Variants in SDK1 observed in about 807,000 individuals in gnomAD.
The protein encoded by SDK1 is protein sidekick-1.
In SDK1, 157 loss-of-function variants were observed where a neutral mutation model predicts 245.5. That is an observed-to-expected ratio of 0.64 (90% CI 0.56 to 0.73). The LOEUF is 0.73. Ranked by LOEUF, SDK1 falls within the 30% of genes least tolerant of loss-of-function variation. SDK1 has a pLI of 0.00. For missense variants in SDK1, 3,583 were observed against 3,002.3 expected (o/e 1.19, Z -4.52); for synonymous variants, 1,647 against 1,278.5 (o/e 1.29, Z -6.15).
At chr7:3,415,372 A>G (rs1429797093) in intron 1 of SDK1, among the ~76,000 whole-genome samples, 2 of 152,158 alleles carry the variant, frequency 1.3e-5, no homozygotes, top group African/African-American at 4.8e-5. Context: ...ATGTGTGTAG[A>G]GAAGTGTGTA....
chr7:4,088,665 C>T (rs1035811910), intron 22 of SDK1, among the ~76,000 whole-genome samples: 4 of 152,066 alleles, frequency 2.6e-5, no homozygotes, highest in Non-Finnish European at 5.9e-5. Context: ...GTGGTTCACA[C>T]TGCCCTTCTG....
At chr7:4,086,125 G>A (rs1024539745) in intron 22 of SDK1, among the ~76,000 whole-genome samples, 3 of 151,926 alleles carry the variant, frequency 2.0e-5, no homozygotes, top group East Asian at 1.9e-4. Flanking sequence ...GGCATATTGC[G>A]CCTTGCTGTC....
At chr7:3,368,271 C>A (rs767417831) in intron 1 of SDK1, among the ~76,000 whole-genome samples, 11 of 152,198 alleles carry the variant, frequency 7.2e-5, no homozygotes, top group Non-Finnish European at 1.3e-4. Context: ...CAAGCTTCTC[C>A]GTTCCCCAGA....
chr7:4,211,854 C>G, intron 38 of SDK1, among the ~76,000 whole-genome samples: 1 of 152,196 alleles, frequency 6.6e-6, no homozygotes, highest in East Asian at 1.9e-4. Context: ...CGTGATCCAC[C>G]TGCCTCGGCC....
At chr7:4,231,059 A>C (rs1409070633) in intron 40 of SDK1, among the ~76,000 whole-genome samples, 1 of 152,078 alleles carries the variant, frequency 6.6e-6, no homozygotes, top group Non-Finnish European at 1.5e-5. Flanking sequence ...GAACAGAGTA[A>C]ATGCACAAGC....
At chr7:3,544,307 T>A (rs1779148686) in intron 1 of SDK1, among the ~76,000 whole-genome samples, 1 of 152,226 alleles carries the variant, frequency 6.6e-6, no homozygotes, top group African/African-American at 2.4e-5. Context: ...TAATTTAGAA[T>A]AGAACATATT....
intron 3 of SDK1, among the ~76,000 whole-genome samples, chr7:3,640,871 A>G (rs1184026222): frequency 6.6e-6 from 1 of 151,978 alleles, no homozygotes; most frequent in Admixed American, 6.6e-5. Flanking sequence ...TTTGGTAGAG[A>G]TCGGGCTTCA....
chr7:3,440,903 G>T (rs1780174802), intron 1 of SDK1, among the ~76,000 whole-genome samples: 1 of 152,190 alleles, frequency 6.6e-6, no homozygotes, highest in Middle Eastern at 3.2e-3. Context: ...ACAGCAATGT[G>T]TTGTGCCAGA....
intron 30 of SDK1, among the ~76,000 whole-genome samples, chr7:4,153,446 C>T (rs1471870016): frequency 1.3e-5 from 2 of 152,034 alleles, no homozygotes; most frequent in Admixed American, 6.6e-5. Flanking sequence ...ATTAGCCAGG[C>T]ATGGTGGCAT....
In SDK1 at chr7:4,196,010, C is replaced by G. The variant is rs1232669063; in HGVS notation, c.5099-9869C>G. Among the ~76,000 whole-genome samples, 8 of 152,308 alleles carry G rather than the reference C, an allele frequency of 5.3e-5. No individual in the cohort carries two copies. In the East Asian group the frequency reaches 1.5e-3, roughly 29 times the overall value. ...CTAGGAAAGCAGAGTTGAATAGTTA[C>G]AGTGAAGCCCTTCAGTCCCTCAAAG... On this transcript the variant is annotated intron_variant, in intron 35 of 44. Coordinates refer to ENST00000404826, the MANE Select transcript of SDK1 (RefSeq NM_152744.4).
chr7:4,093,748 T>C (rs905755920), intron 22 of SDK1, among the ~76,000 whole-genome samples: 9 of 152,160 alleles, frequency 5.9e-5, no homozygotes, highest in African/African-American at 1.7e-4. Context: ...ACTGTCTCTC[T>C]CCTAAGCACA....
chr7:3,538,243 CTT>C (rs1373127476), intron 1 of SDK1, among the ~76,000 whole-genome samples: 1 of 152,164 alleles, frequency 6.6e-6, no homozygotes, highest in Non-Finnish European at 1.5e-5. Flanking sequence ...CTTTGGGCCT[CTT>C]GGGTCAGCTT....
At chr7:3,676,610 C>T (rs917745752) in intron 4 of SDK1, among the ~76,000 whole-genome samples, 1 of 152,112 alleles carries the variant, frequency 6.6e-6, no homozygotes, top group African/African-American at 2.4e-5. Context: ...CAGGCGTGAG[C>T]CACCACGCCT....
chr7:3,420,571 A>G (rs961439105), intron 1 of SDK1, among the ~76,000 whole-genome samples: 3 of 152,172 alleles, frequency 2.0e-5, no homozygotes, highest in Non-Finnish European at 2.9e-5. Flanking sequence ...AGGGTTAAGG[A>G]AAGATTTTAC....
intron 7 of SDK1, among the ~76,000 whole-genome samples, chr7:3,953,199 A>G (rs1054992016): frequency 3.3e-5 from 5 of 151,590 alleles, no homozygotes; most frequent in African/African-American, 1.2e-4. Context: ...GTGTTTTCCT[A>G]TGAAACTAGC....
chr7:3,573,798 C>T (rs546104193), intron 1 of SDK1, among the ~76,000 whole-genome samples: 1 of 151,916 alleles, frequency 6.6e-6, no homozygotes, highest in Non-Finnish European at 1.5e-5. Context: ...CTAAGTCATG[C>T]TGAGAACCCT....
At chr7:4,088,682 T>A (rs1781583238) in intron 22 of SDK1, among the ~76,000 whole-genome samples, 2 of 152,214 alleles carry the variant, frequency 1.3e-5, no homozygotes, top group South Asian at 4.1e-4. Context: ...TCTGTTTCAC[T>A]ATTCCGGAGC....
intron 1 of SDK1, among the ~76,000 whole-genome samples, chr7:3,398,038 G>C (rs1025919368): frequency 6.6e-6 from 1 of 152,026 alleles, no homozygotes; most frequent in Non-Finnish European, 1.5e-5. Context: ...TAGTAAATAG[G>C]TCTTCAGTGT....
At position 3,656,998 on chromosome 7, in the gene SDK1, C is replaced by T. The variant is rs183899134; in HGVS notation, c.713+14893C>T. 5.0e-3 allele frequency among the ~76,000 whole-genome samples: 765 copies of T among 152,230 alleles called. 6 individuals are homozygous for T. Among genetic ancestry groups the T allele is most frequent in the African/African-American group, 0.018 (733 of 41,542 alleles). ...TCCTGACCTCATGATCCACCCGCCT[C>T]GGCCTCCCAAAGTGCTGGGATTACA... On this transcript the variant is annotated intron_variant, in intron 4 of 44. Transcript: ENST00000404826.
Sources: allele counts gnomAD v4.1 joint callset (sites outside exome capture counted in the v4.1 genomes callset), GRCh38; gene constraint gnomAD v4.1.1; transcripts MANE v1.5; gene names NCBI Gene and HGNC (gene_info 2026-07-23, HGNC 2026-07-21).